Variants in SGCZ observed in about 807,000 individuals in gnomAD.
SGCZ encodes sarcoglycan zeta, also known as zeta-sarcoglycan.
In SGCZ, 40 loss-of-function variants were observed where a neutral mutation model predicts 41.3. The observed-to-expected ratio is 0.97, with a 90% CI of 0.75 to 1.26. SGCZ has a LOEUF of 1.26. Among genes scored for constraint, SGCZ ranks in the 50% most tolerant of loss-of-function variants. The pLI, the probability that SGCZ is intolerant of heterozygous loss-of-function variation, is 0.00. For synonymous variants in SGCZ, 206 were observed against 137.5 expected (o/e 1.50, Z -3.49); for missense variants, 552 against 369.8 (o/e 1.49, Z -4.04).
At chr8:14,710,768 C>A (rs1158374097) in intron 1 of SGCZ, among the ~76,000 whole-genome samples, 2 of 152,060 alleles carry the variant, frequency 1.3e-5, no homozygotes, top group Non-Finnish European at 2.9e-5. Flanking sequence ...TAATTCTTAC[C>A]TATTTTTAAG....
At chr8:14,752,656 T>C (rs1319499766) in intron 1 of SGCZ, among the ~76,000 whole-genome samples, 1 of 152,154 alleles carries the variant, frequency 6.6e-6, no homozygotes, top group Non-Finnish European at 1.5e-5. Context: ...AATGAACTAG[T>C]AAAATGTATC....
chr8:14,484,268 C>A (rs1206934981), intron 2 of SGCZ, among the ~76,000 whole-genome samples: 1 of 151,946 alleles, frequency 6.6e-6, no homozygotes, highest in Admixed American at 6.6e-5. Flanking sequence ...ATTAGTATGG[C>A]TCTGTATAAT....
At chr8:14,965,454 G>C (rs1319273711) in intron 1 of SGCZ, among the ~76,000 whole-genome samples, 1 of 152,074 alleles carries the variant, frequency 6.6e-6, no homozygotes, top group East Asian at 1.9e-4. Context: ...GAAAATATGA[G>C]TGGCAATATA....
At chr8:14,283,065 G>A (rs1199411432) in intron 3 of SGCZ, among the ~76,000 whole-genome samples, 2 of 151,690 alleles carry the variant, frequency 1.3e-5, no homozygotes, top group African/African-American at 4.8e-5. Flanking sequence ...TAGCCAGGAT[G>A]CTCTCGATCT....
Position 15,126,041 on chromosome 8 carries a change from G to A in SGCZ, c.39+111544C>T, listed in dbSNP as rs552420089. On this transcript the variant is annotated intron_variant, in intron 1 of 7. Transcript: ENST00000382080. Reference sequence around the variant, plus strand: ...CGCACCTGTACTCCCAGCTACTCGGGAGGCCAAGGCAGGAAAATTGCTTGA... The same window carrying A: ...CGCACCTGTACTCCCAGCTACTCGGAAGGCCAAGGCAGGAAAATTGCTTGA... Among the ~76,000 whole-genome samples the A allele has an allele frequency of 4.5e-4, 68 of 152,276 alleles. 2 individuals carry two copies. The South Asian group carries it at 0.013, about 29-fold the overall frequency.
intron 1 of SGCZ, among the ~76,000 whole-genome samples, chr8:14,786,853 A>C (rs1800784041): frequency 2.6e-5 from 1 of 38,990 alleles, no homozygotes; most frequent in South Asian, 7.5e-4. Flanking sequence ...AAAAAAAAAC[A>C]AAAAACACAT....
intron 3 of SGCZ, among the ~76,000 whole-genome samples, chr8:14,260,134 G>C (rs1388455938): frequency 6.6e-6 from 1 of 152,028 alleles, no homozygotes; most frequent in Non-Finnish European, 1.5e-5. Flanking sequence ...TGGTGTATAA[G>C]AAACTACCAT....
At chr8:14,340,887 A>C (rs1231664962) in intron 2 of SGCZ, among the ~76,000 whole-genome samples, 1 of 152,160 alleles carries the variant, frequency 6.6e-6, no homozygotes, top group Non-Finnish European at 1.5e-5. Context: ...CTCCATCTTA[A>C]GAAATTTTTA....
intron 1 of SGCZ, among the ~76,000 whole-genome samples, chr8:14,667,336 C>A (rs560999302): frequency 6.6e-6 from 1 of 152,126 alleles, no homozygotes; most frequent in African/African-American, 2.4e-5. Context: ...TGAACTCATA[C>A]AGGGTTTTTC....
intron 3 of SGCZ, among the ~76,000 whole-genome samples, chr8:14,259,654 T>G (rs1235276439): frequency 7.3e-6 from 1 of 137,364 alleles, no homozygotes; most frequent in East Asian, 2.0e-4. Context: ...GGCTCTGTTC[T>G]GTTCCATTGA....
chr8:14,627,751 AT>A (rs5889543), intron 1 of SGCZ, among the ~76,000 whole-genome samples: 2 of 150,950 alleles, frequency 1.3e-5, no homozygotes, highest in African/African-American at 2.4e-5. Flanking sequence ...GAATTACTTC[AT>A]TTTTTTTTGA....
intron 1 of SGCZ, among the ~76,000 whole-genome samples, chr8:14,761,312 T>C (rs1408340305): frequency 6.6e-6 from 1 of 152,006 alleles, no homozygotes; most frequent in African/African-American, 2.4e-5. Context: ...ATATGTCATA[T>C]TGATATTCAA....
chr8:14,367,163 C>CT (rs1477316878), intron 2 of SGCZ, among the ~76,000 whole-genome samples: 1 of 152,098 alleles, frequency 6.6e-6, no homozygotes, highest in Non-Finnish European at 1.5e-5. Context: ...GGACAGGGGC[C>CT]AAATGCTGCT....
intron 1 of SGCZ, among the ~76,000 whole-genome samples, chr8:14,763,017 T>G (rs752796797): frequency 2.1e-4 from 32 of 152,220 alleles, no homozygotes; most frequent in Non-Finnish European, 1.2e-4. Context: ...TGTAGCTTAG[T>G]ACATAAATAT....
At chr8:14,474,784 T>C (rs1192374292) in intron 2 of SGCZ, among the ~76,000 whole-genome samples, 2 of 152,322 alleles carry the variant, frequency 1.3e-5, no homozygotes, top group Non-Finnish European at 1.5e-5. Flanking sequence ...CAAAACCTTT[T>C]ATTATATCCA....
At position 14,605,524 on chromosome 8, in the gene SGCZ, A is replaced by G. The variant is rs530179736; in HGVS notation, c.40-50598T>C. On this transcript the variant is annotated intron_variant, in intron 1 of 7. Transcript: ENST00000382080. Reference sequence around the variant, plus strand: ...TTTTAATCTTTTTCTATTTTTTTGTACCCATTAACCACCCACTCCCCAAGC... The same window carrying G: ...TTTTAATCTTTTTCTATTTTTTTGTGCCCATTAACCACCCACTCCCCAAGC... Among the ~76,000 whole-genome samples, 188 of 152,026 alleles carry G rather than the reference A, an allele frequency of 1.2e-3. 3 individuals are homozygous for G. The highest frequency in any genetic ancestry group is 4.4e-3 in the African/African-American group (183 of 41,458).
intron 1 of SGCZ, among the ~76,000 whole-genome samples, chr8:14,664,550 A>C (rs574549494): frequency 2.0e-5 from 3 of 152,194 alleles, no homozygotes. Flanking sequence ...AAAACACAAC[A>C]TCATACTTTA....
intron 4 of SGCZ, among the ~76,000 whole-genome samples, chr8:14,214,465 T>G (rs558285017): frequency 5.3e-5 from 8 of 152,218 alleles, no homozygotes; most frequent in African/African-American, 1.7e-4. Flanking sequence ...TAGTGACAAA[T>G]GTACCACACC....
At chr8:14,293,242 T>C (rs1800900421) in intron 3 of SGCZ, among the ~76,000 whole-genome samples, 1 of 151,954 alleles carries the variant, frequency 6.6e-6, no homozygotes, top group South Asian at 2.1e-4. Flanking sequence ...CAGTGGACAA[T>C]GGATGTGATA....
Sources: gnomAD v4.1 joint callset for allele counts (sites outside exome capture counted in the v4.1 genomes callset) on GRCh38, gnomAD v4.1.1 for gene constraint, MANE v1.5 for transcripts, NCBI Gene and HGNC (gene_info 2026-07-23, HGNC 2026-07-21) for gene names.